The following IKZF3 variants were observed in gnomAD, a reference collection of about 807,000 sequenced individuals.
IKZF3 encodes IKAROS family zinc finger 3.
Under a neutral mutation model 49.0 loss-of-function variants are expected in IKZF3, and 10 were observed. That is an observed-to-expected ratio of 0.20 (90% CI 0.13 to 0.35). The LOEUF is 0.35. Ranked by LOEUF, IKZF3 falls within the 10% of genes least tolerant of loss-of-function variation. The pLI is 1.00. For missense variants in IKZF3, 498 were observed against 664.8 expected (o/e 0.75, Z 2.76); for synonymous variants, 209 against 228.2 (o/e 0.92, Z 0.76).
chr17:39,850,689 TTA>T (rs979004912), intron 1 of IKZF3, among the ~76,000 whole-genome samples: 3 of 109,974 alleles, frequency 2.7e-5, no homozygotes, highest in Non-Finnish European at 5.0e-5. Context: ...TATACACATA[TTA>T]TATATACATT....
At chr17:39,827,990 T>G (rs2062002693) in intron 3 of IKZF3, among the ~76,000 whole-genome samples, 1 of 152,162 alleles carries the variant, frequency 6.6e-6, no homozygotes, top group Non-Finnish European at 1.5e-5. Flanking sequence ...GATGCTGATA[T>G]GACTATACAA....
At position 39,864,104 on chromosome 17, in the gene IKZF3, C is replaced by A; in HGVS notation, c.7+16G>T. 6.2e-7 allele frequency: 1 copy of A among 1,612,862 alleles called. No individual in the cohort carries two copies. Among genetic ancestry groups the A allele is most frequent in the South Asian group, 1.1e-5 (1 of 91,062 alleles). On this transcript the variant is annotated intron_variant, in intron 1 of 7. Coordinates refer to ENST00000346872, the MANE Select transcript of IKZF3 (RefSeq NM_012481.5). Reference sequence around the variant, plus strand: ...TCTCAAAGACCCCGGAGAAAAGAAGCGGGCTGGAGGCTCACCTTCCATGTC... The same window carrying A: ...TCTCAAAGACCCCGGAGAAAAGAAGAGGGCTGGAGGCTCACCTTCCATGTC...
intron 3 of IKZF3, among the ~76,000 whole-genome samples, chr17:39,804,584 T>C (rs879855780): frequency 6.6e-5 from 10 of 152,218 alleles, no homozygotes; most frequent in Admixed American, 2.0e-4. Flanking sequence ...TACAAGATTC[T>C]GATGCTGTCA....
rs1365530860 is a variant in IKZF3, at chr17:39,759,062, T to G, written c.*6728A>C. 6.6e-6 allele frequency: 1 copy of G among 151,804 alleles called. No homozygotes were observed. Among genetic ancestry groups the G allele is most frequent in the Non-Finnish European group, 1.5e-5 (1 of 67,968 alleles). 9.4% of individuals were successfully genotyped at this position (151,804 alleles called of 1,614,324 possible). A position where few individuals can be genotyped will look rare whatever the true frequency, so the allele number is the denominator to read the frequency against. On this transcript the variant is annotated 3_prime_UTR_variant, in exon 8 of 8. Coordinates refer to ENST00000346872, the MANE Select transcript of IKZF3 (RefSeq NM_012481.5). The stretch of plus-strand genomic sequence containing the variant: ...TTTAATACACCCATTAACATTCCTA[T>G]TTCAAATAGCTCAATCGATATCAAC...
chr17:39,816,053 T>G (rs1227896557), intron 3 of IKZF3, among the ~76,000 whole-genome samples: 2 of 152,152 alleles, frequency 1.3e-5, no homozygotes, highest in Non-Finnish European at 2.9e-5. Flanking sequence ...GAAGGTGGGA[T>G]AGTATAAAAA....
intron 1 of IKZF3, among the ~76,000 whole-genome samples, chr17:39,842,350 G>A (rs1426989667): frequency 2.6e-5 from 4 of 152,170 alleles, no homozygotes; most frequent in South Asian, 2.1e-4. Context: ...CCAACATGGC[G>A]AAACCCCATC....
At chr17:39,832,320 A>T (rs2062132481) in intron 1 of IKZF3, among the ~76,000 whole-genome samples, 169 bp from the exon 2 acceptor site, 1 of 152,050 alleles carries the variant, frequency 6.6e-6, no homozygotes, top group African/African-American at 2.4e-5. Flanking sequence ...TTCAAGGAGC[A>T]TGAAAAAAAA....
chr17:39,811,185 T>C (rs9892781), intron 3 of IKZF3, among the ~76,000 whole-genome samples: 13,999 of 146,668 alleles, frequency 0.095, 1,322 homozygotes, highest in African/African-American at 0.26. Flanking sequence ...TACAGTGAAC[T>C]GTGATTACAC....
chr17:39,772,636 C>T (rs1333718343), intron 7 of IKZF3, among the ~76,000 whole-genome samples: 1 of 152,094 alleles, frequency 6.6e-6, no homozygotes, highest in Admixed American at 6.5e-5. Flanking sequence ...GGGGGTGGCA[C>T]TGGGGAAAGC....
At chr17:39,812,458 G>T (rs2061582495) in intron 3 of IKZF3, among the ~76,000 whole-genome samples, 3 of 152,142 alleles carry the variant, frequency 2.0e-5, no homozygotes, top group Admixed American at 1.3e-4. Context: ...GGCATTTGCT[G>T]ATTTCAGTGG....
chr17:39,827,454 T>C (rs181511991), intron 3 of IKZF3, among the ~76,000 whole-genome samples: 1 of 152,044 alleles, frequency 6.6e-6, no homozygotes, highest in South Asian at 2.1e-4. Flanking sequence ...CCACCACACC[T>C]GGCTAATTTA....
chr17:39,821,395 G>C (rs1179616872), intron 3 of IKZF3, among the ~76,000 whole-genome samples: 1 of 152,148 alleles, frequency 6.6e-6, no homozygotes, highest in East Asian at 1.9e-4. Context: ...AAAATAAAAG[G>C]GTAGGGGATG....
chr17:39,795,983 A>C (rs2061152183), intron 3 of IKZF3, among the ~76,000 whole-genome samples: 1 of 151,952 alleles, frequency 6.6e-6, no homozygotes, highest in Non-Finnish European at 1.5e-5. Context: ...TGGAGGTTGC[A>C]GTGACCCGAG....
intron 6 of IKZF3, among the ~76,000 whole-genome samples, chr17:39,778,839 C>T (rs1450824065): frequency 6.6e-6 from 1 of 152,124 alleles, no homozygotes; most frequent in African/African-American, 2.4e-5. Context: ...AAAAAACCTG[C>T]CTATGAATGT....
intron 7 of IKZF3, among the ~76,000 whole-genome samples, chr17:39,769,139 G>A (rs1405417064): frequency 2.0e-5 from 3 of 152,170 alleles, no homozygotes; most frequent in African/African-American, 7.2e-5. Context: ...TACATTTGGG[G>A]AAACACTGAA....
At position 39,761,895 on chromosome 17, in the gene IKZF3, G is replaced by T. The variant is rs772618704; in HGVS notation, c.*3895C>A. Reference sequence around the variant, plus strand: ...AATTTTGTATTTTTAGTAGAGATGGGGGTTTCTCCATGTTGGTCAGGCAGG... The same window carrying T: ...AATTTTGTATTTTTAGTAGAGATGGTGGTTTCTCCATGTTGGTCAGGCAGG... On this transcript the variant is annotated 3_prime_UTR_variant, in exon 8 of 8. Coordinates refer to ENST00000346872, the MANE Select transcript of IKZF3 (RefSeq NM_012481.5). The T allele has an allele frequency of 1.3e-5, 2 of 152,312 alleles. No homozygotes were observed. The highest frequency in any genetic ancestry group is 1.3e-4 in the Admixed American group (2 of 15,284). 9.4% of individuals were successfully genotyped at this position (152,312 alleles called of 1,614,324 possible).
chr17:39,830,610 T>G (rs1335095125), intron 2 of IKZF3, among the ~76,000 whole-genome samples: 1 of 152,214 alleles, frequency 6.6e-6, no homozygotes, highest in East Asian at 1.9e-4. Context: ...TGGAATTATT[T>G]TCACATATAG....
rs770728777 is a variant in IKZF3 at position 39,766,533 on chromosome 17, C to T, written c.827-40G>A. 7.3e-6 allele frequency: 11 copies of T among 1,499,992 alleles called. No individual in the cohort carries two copies. In the East Asian group the frequency reaches 2.0e-4, roughly 28 times the overall value. 92.9% of individuals were successfully genotyped at this position (1,499,992 alleles called of 1,614,324 possible). ...AGAAAGGGTTACAAAGGGAACACTG[C>T]CAAGGCAGAGAGTTTGTAAATATTT... On this transcript the variant is annotated intron_variant, in intron 7 of 7. Coordinates refer to ENST00000346872, the MANE Select transcript of IKZF3 (RefSeq NM_012481.5).
chr17:39,807,820 T>C (rs1018686693), intron 3 of IKZF3, among the ~76,000 whole-genome samples: 1 of 152,044 alleles, frequency 6.6e-6, no homozygotes, highest in African/African-American at 2.4e-5. Flanking sequence ...TTATATGAAA[T>C]ACCCAGAAAC....
Sources: gnomAD v4.1 joint callset for allele counts (sites outside exome capture counted in the v4.1 genomes callset) on GRCh38, gnomAD v4.1.1 for gene constraint, MANE v1.5 for transcripts, NCBI Gene and HGNC (gene_info 2026-07-23, HGNC 2026-07-21) for gene names.